CCDC178: variants seen among roughly 807,000 people sequenced by gnomAD.
The protein encoded by CCDC178 is coiled-coil domain containing 178, also known as coiled-coil domain-containing protein 178.
Under a neutral mutation model 117.4 loss-of-function variants are expected in CCDC178, and 126 were observed. The ratio of observed to expected loss-of-function variants is 1.07; its 90% confidence interval spans 0.93 to 1.24. CCDC178 has a LOEUF of 1.24. CCDC178 is among the 50% of genes most tolerant of loss of function. CCDC178 has a pLI of 0.00. For synonymous variants in CCDC178, 283 were observed against 313.4 expected, an observed-to-expected ratio of 0.90 and a Z score of 1.02; for missense variants, 1,030 against 986.9, an observed-to-expected ratio of 1.04 and a Z score of -0.59.
chr18:32,947,378 A>AT (rs1299458392), intron 22 of CCDC178, among the ~76,000 whole-genome samples: 6 of 152,190 alleles, frequency 3.9e-5, no homozygotes, highest in Non-Finnish European at 8.8e-5. Context: ...TATGATCAGT[A>AT]TTTTAATTGT....
chr18:33,137,741 T>C (rs1598920621), intron 20 of CCDC178, among the ~76,000 whole-genome samples: 1 of 152,178 alleles, frequency 6.6e-6, no homozygotes, highest in East Asian at 1.9e-4. Flanking sequence ...TGTTTATACA[T>C]AAGCTAAATT....
At chr18:33,117,745 C>T (rs1041932558) in intron 20 of CCDC178, among the ~76,000 whole-genome samples, 19 of 151,846 alleles carry the variant, frequency 1.3e-4, no homozygotes, top group Admixed American at 1.2e-3. Flanking sequence ...GAAAGAGACA[C>T]TTAATCTAGA....
chr18:33,109,535 T>A (rs1395628257), intron 20 of CCDC178, among the ~76,000 whole-genome samples: 2 of 151,600 alleles, frequency 1.3e-5, no homozygotes, highest in African/African-American at 4.8e-5. Context: ...TATGTCGTTA[T>A]AGGGATTAAT....
At chr18:33,299,597 C>T (rs1189676409) in intron 11 of CCDC178, among the ~76,000 whole-genome samples, 1 of 151,124 alleles carries the variant, frequency 6.6e-6, no homozygotes, top group Non-Finnish European at 1.5e-5. Flanking sequence ...CTCAAAATTA[C>T]AAGCAACAAA....
rs534292233 is a variant in CCDC178 at position 33,050,508 on chromosome 18, T to C, written c.2388+42253A>G. Among the ~76,000 whole-genome samples the C allele has an allele frequency of 1.4e-4, 22 of 152,248 alleles. No individual in the cohort carries two copies. The South Asian group carries it at 4.4e-3, about 30-fold the overall frequency. ...TATATGGAAGAGTAGATTGGAACTC[T>C]AGATAATATAAAGGAATTAAGTAGA... On this transcript the variant is annotated intron_variant, in intron 21 of 22. Transcript: ENST00000383096.
intron 15 of CCDC178, among the ~76,000 whole-genome samples, chr18:33,241,583 G>GA (rs976473578): frequency 1.3e-5 from 2 of 150,260 alleles, no homozygotes; most frequent in African/African-American, 4.9e-5. Context: ...TGAACTAGCT[G>GA]AAAAAAATAA....
intron 21 of CCDC178, among the ~76,000 whole-genome samples, chr18:33,085,621 G>T (rs538274661): frequency 4.9e-4 from 75 of 152,164 alleles, no homozygotes; most frequent in African/African-American, 1.8e-3. Flanking sequence ...GTTGTTCAGA[G>T]AATGAAATAA....
intron 14 of CCDC178, 91 bp downstream of exon 14, chr18:33,266,825 C>A: frequency 8.2e-7 from 1 of 1,216,292 alleles, no homozygotes; most frequent in Non-Finnish European, 1.1e-6. Context: ...AAAACACCAC[C>A]ATATAACTCC....
intron 16 of CCDC178, among the ~76,000 whole-genome samples, 160 bp from the exon 17 acceptor site, chr18:33,225,096 T>C (rs1407278051): frequency 1.3e-5 from 2 of 149,452 alleles, no homozygotes; most frequent in Admixed American, 7.0e-5. Flanking sequence ...ATATATTACA[T>C]ATATTATATT....
intron 20 of CCDC178, among the ~76,000 whole-genome samples, chr18:33,169,810 T>C (rs1345568427): frequency 6.6e-6 from 1 of 152,166 alleles, no homozygotes; most frequent in Non-Finnish European, 1.5e-5. Flanking sequence ...AAGCCAGTAT[T>C]ATCATTTTCA....
chr18:33,006,126 C>A (rs1377702032), intron 21 of CCDC178, among the ~76,000 whole-genome samples: 3 of 151,972 alleles, frequency 2.0e-5, no homozygotes, highest in Non-Finnish European at 1.5e-5. Context: ...ACTAAATGAT[C>A]TTTAGAATAA....
At chr18:33,057,118 T>C (rs2056843850) in intron 21 of CCDC178, among the ~76,000 whole-genome samples, 1 of 152,220 alleles carries the variant, frequency 6.6e-6, no homozygotes, top group Admixed American at 6.5e-5. Context: ...GTAGTGAAAG[T>C]CAGGAGCCAA....
rs184761864 is a variant in CCDC178, at chr18:33,070,382, C to T, written c.2388+22379G>A. On this transcript the variant is annotated intron_variant, in intron 21 of 22. Coordinates refer to ENST00000383096, the MANE Select transcript of CCDC178 (RefSeq NM_001105528.4). ...ACACTTTCAGCCACATGAATGAAAC[C>T]GGAGGTCATTATGTTAAATGAAATA... is the stretch of plus-strand genomic sequence containing the variant. Among the ~76,000 whole-genome samples the T allele has an allele frequency of 7.2e-5, 11 of 152,028 alleles. No homozygotes were observed. The East Asian group carries it at 9.6e-4, about 13-fold the overall frequency.
intron 21 of CCDC178, among the ~76,000 whole-genome samples, chr18:33,046,922 T>G (rs1598824492): frequency 6.6e-6 from 1 of 152,202 alleles, no homozygotes; most frequent in African/African-American, 2.4e-5. Context: ...TTATATAACT[T>G]GTATTTGACT....
chr18:33,312,992 G>C lies in CCDC178; in HGVS notation c.1022+10499C>G, dbSNP rs568851678. Among the ~76,000 whole-genome samples the C allele has an allele frequency of 3.9e-5, 6 of 152,290 alleles. No individual in the cohort carries two copies. In the South Asian group the frequency reaches 6.2e-4, roughly 16 times the overall value. ...GGTTCACCAATGGGAGTAGCTATAT[G>C]CAAGAGGAACAGAGGAGGGCAGGTT... On this transcript the variant is annotated intron_variant, in intron 11 of 22. Coordinates refer to ENST00000383096, the MANE Select transcript of CCDC178 (RefSeq NM_001105528.4).
intron 5 of CCDC178, among the ~76,000 whole-genome samples, chr18:33,378,675 C>T (rs766709900): frequency 1.9e-4 from 29 of 152,170 alleles, no homozygotes; most frequent in African/African-American, 3.6e-4. Flanking sequence ...AAAGGTTTTT[C>T]GACATCTATT....
chr18:33,276,706 G>A (rs2059954811), intron 12 of CCDC178, among the ~76,000 whole-genome samples: 1 of 152,088 alleles, frequency 6.6e-6, no homozygotes, highest in African/African-American at 2.4e-5. Context: ...GGTGACCTAA[G>A]GCTTAATGGT....
intron 10 of CCDC178, among the ~76,000 whole-genome samples, chr18:33,330,855 A>G (rs761913010): frequency 9.9e-5 from 15 of 152,030 alleles, no homozygotes; most frequent in Admixed American, 3.3e-4. Flanking sequence ...ATGGAGAATA[A>G]TATGTTTTAC....
chr18:33,023,268 A>G (rs1442186138), intron 21 of CCDC178, among the ~76,000 whole-genome samples: 1 of 152,126 alleles, frequency 6.6e-6, no homozygotes, highest in East Asian at 1.9e-4. Flanking sequence ...CCATCCAACA[A>G]TAGCAGAATA....
Sources: allele counts gnomAD v4.1 joint callset (sites outside exome capture counted in the v4.1 genomes callset), GRCh38; gene constraint gnomAD v4.1.1; transcripts MANE v1.5; gene names NCBI Gene and HGNC (gene_info 2026-07-23, HGNC 2026-07-21).